VIRMA: variants seen among roughly 807,000 people sequenced by gnomAD.
VIRMA encodes vir like m6A methyltransferase associated.
In VIRMA, 65 loss-of-function variants were observed where a neutral mutation model predicts 182.4. That is an observed-to-expected ratio of 0.36 (90% CI 0.29 to 0.44). The LOEUF is 0.44. VIRMA is among the 20% of genes least tolerant of loss of function. The pLI, the probability that VIRMA is intolerant of heterozygous loss-of-function variation, is 1.00. For missense variants in VIRMA, 1,752 were observed against 2,158.1 expected (o/e 0.81, Z 3.73); for synonymous variants, 709 against 743.1 (o/e 0.95, Z 0.75).
At chr8:94,495,915 A>C in intron 18 of VIRMA, 24 bp from the exon 19 acceptor site, 1 of 1,603,724 alleles carries the variant, frequency 6.2e-7, no homozygotes, top group South Asian at 1.1e-5. Context: ...AAGGCAGAAT[A>C]AGAAGGTGCA....
At position 94,494,907 on chromosome 8, in the gene VIRMA, A is replaced by C. The variant is rs1220618767; in HGVS notation, c.4594T>G (p.Trp1532Gly). 6.2e-7 allele frequency: 1 copy of C among 1,611,920 alleles called. No homozygotes were observed. The highest frequency in any genetic ancestry group is 1.7e-5 in the Admixed American group (1 of 59,940). ...TCTTCAGCCTGAAATGGAGTGAACCACATAGATTTCAACTGATCATCCATG... is the reference window on the plus strand; with the variant it reads ...TCTTCAGCCTGAAATGGAGTGAACCCCATAGATTTCAACTGATCATCCATG... ...DVMDDQLKSMWFTPFQAEEID... is the reference protein window; with the variant it reads ...DVMDDQLKSMGFTPFQAEEID... The change falls in exon 20 of 24, where the codon TGG becomes GGG. Residue 1532 changes from tryptophan to glycine, a missense_variant. Trp to Gly is a radical substitution (Grantham distance 184). This residue lies in a region of VIRMA where 777 missense variants were observed against 920.6 expected (regional missense o/e 0.84). Coordinates refer to ENST00000297591, the MANE Select transcript of VIRMA (RefSeq NM_015496.5).
intron 17 of VIRMA, 52 bp from the exon 18 acceptor site, chr8:94,496,532 T>C (rs1164968671): frequency 3.4e-6 from 5 of 1,451,004 alleles, no homozygotes; most frequent in Non-Finnish European, 3.8e-6. Context: ...TTTACAAAGA[T>C]GCATCCACAC....
In VIRMA at chr8:94,529,312, T is replaced by C. The variant is rs759778016; in HGVS notation, c.638A>G (p.His213Arg). ...AATGGGCTCAAAGTAATCTTCTCTATGAGGAGCATCCTCTTCCTTGTCACC... is the reference window on the plus strand; with the variant it reads ...AATGGGCTCAAAGTAATCTTCTCTACGAGGAGCATCCTCTTCCTTGTCACC... Reference protein sequence around the residue: ...VSGDKEEDAPHREDYFEPISP... With the variant: ...VSGDKEEDAPRREDYFEPISP... The change falls in exon 7 of 24, where the codon CAT becomes CGT. Residue 213 changes from histidine to arginine, a missense_variant. Physicochemically the swap from His to Arg is conservative, Grantham distance 29. Coordinates refer to ENST00000297591, the MANE Select transcript of VIRMA (RefSeq NM_015496.5). 2.9e-5 allele frequency: 46 copies of C among 1,611,572 alleles called. No homozygotes were observed. In the East Asian group the frequency reaches 1.0e-3, roughly 36 times the overall value.
rs373195589 is a variant in VIRMA at position 94,512,135 on chromosome 8, T to C, written c.2752-46A>G. The C allele has an allele frequency of 1.5e-5, 14 of 939,350 alleles. No individual in the cohort carries two copies. The African/African-American group carries it at 2.2e-4, about 15-fold the overall frequency. 58.2% of individuals were successfully genotyped at this position (939,350 alleles called of 1,614,324 possible). ...AGAATATTTCGTTTCTTAGTACCCA[T>C]GAGATCAACAGAAAATTCCAGACAA... On this transcript the variant is annotated intron_variant, in intron 11 of 23. Transcript: ENST00000297591.
At chr8:94,495,556 T>TTAAAAAAAAAAAAAAAAAAA (rs1259277098) in intron 19 of VIRMA, among the ~76,000 whole-genome samples, 175 bp downstream of exon 19, 1 of 109,544 alleles carries the variant, frequency 9.1e-6, no homozygotes, top group Non-Finnish European at 1.9e-5. Context: ...TTTGTATAAA[T>TTAAAAAAAAAAAAAAAAAAA]TAAAAAAAAA....
intron 6 of VIRMA, among the ~76,000 whole-genome samples, chr8:94,530,181 A>AT (rs895117455): frequency 2.0e-5 from 3 of 151,884 alleles, no homozygotes; most frequent in African/African-American, 7.2e-5. Context: ...GAATTAACAA[A>AT]TTTTTTTTTA....
chr8:94,527,421 TTC>T (rs1815013294), intron 7 of VIRMA, 58 bp from the exon 8 acceptor site: 3 of 1,056,018 alleles, frequency 2.8e-6, no homozygotes, highest in Non-Finnish European at 3.9e-6. Context: ...AATACATAAA[TTC>T]TGATTGAACA....
At chr8:94,496,280 C>G (rs1813771402) in intron 18 of VIRMA, 48 bp downstream of exon 18, 2 of 1,540,574 alleles carry the variant, frequency 1.3e-6, no homozygotes, top group Non-Finnish European at 1.8e-6. Context: ...ACTAGTCAAA[C>G]TGAGAGGAAA....
intron 10 of VIRMA, among the ~76,000 whole-genome samples, 177 bp downstream of exon 10, chr8:94,517,611 A>G (rs977052740): frequency 6.6e-6 from 1 of 152,252 alleles, no homozygotes; most frequent in Non-Finnish European, 1.5e-5. Flanking sequence ...TTTATATACT[A>G]AAACATTTTA....
chr8:94,504,674 T>C (rs567342253), intron 16 of VIRMA, among the ~76,000 whole-genome samples: 1 of 152,274 alleles, frequency 6.6e-6, no homozygotes, highest in Non-Finnish European at 1.5e-5. Context: ...CAATGGGCTA[T>C]GCAAGAAATG....
At position 94,496,096 on chromosome 8, in the gene VIRMA, C is replaced by T. The variant is rs533010499; in HGVS notation, c.4384-205G>A. 6.1e-4 allele frequency: 379 copies of T among 618,828 alleles called. 1 individual carries two copies. Among genetic ancestry groups the T allele is most frequent in the African/African-American group, 4.6e-3 (250 of 53,832 alleles). 38.3% of individuals were successfully genotyped at this position (618,828 alleles called of 1,614,324 possible). On this transcript the variant is annotated intron_variant, in intron 18 of 23. Coordinates refer to ENST00000297591, the MANE Select transcript of VIRMA (RefSeq NM_015496.5). ...TTCTAAACAATAGCAGCAGAGGGTA[C>T]CCTGCTTCCAAGGAACAGACAATTC...
chr8:94,544,178 G>A (rs1472894956), intron 1 of VIRMA, among the ~76,000 whole-genome samples: 1 of 151,688 alleles, frequency 6.6e-6, no homozygotes, highest in African/African-American at 2.4e-5. Context: ...CTGATGTTTT[G>A]CTTAGACTAA....
chr8:94,513,667 C>A (rs1187343179), intron 11 of VIRMA, among the ~76,000 whole-genome samples: 1 of 152,144 alleles, frequency 6.6e-6, no homozygotes. Flanking sequence ...ATTTCTAGAA[C>A]TAAATTTCTT....
intron 1 of VIRMA, among the ~76,000 whole-genome samples, chr8:94,550,767 G>A (rs1477798852): frequency 1.3e-5 from 2 of 152,060 alleles, no homozygotes; most frequent in Non-Finnish European, 2.9e-5. Context: ...CGCACAGGCT[G>A]GAGTGCAGTG....
chr8:94,518,383 G>C (rs1465798183), intron 9 of VIRMA, among the ~76,000 whole-genome samples: 2 of 152,154 alleles, frequency 1.3e-5, no homozygotes, highest in Non-Finnish European at 2.9e-5. Context: ...AGTCATTGCT[G>C]TTTGCTTTTC....
Position 94,526,997 on chromosome 8 carries a change from C to T in VIRMA, c.1247G>A (p.Ser416Asn). ...TTTTGTGTTTTTCAATTGCAAATAG[C>T]TTAACCCTTTTATTATTAAACTTGG... ...EIPSLIIKGL[S>N]YLQLKNTKQD... The change falls in exon 8 of 24, where the codon AGC (serine) becomes AAC (asparagine). Residue 416 changes from serine (S) to asparagine (N), a missense_variant. Physicochemically the swap from Ser to Asn is conservative, Grantham distance 46. Coordinates refer to ENST00000297591, the MANE Select transcript of VIRMA (RefSeq NM_015496.5). 1.2e-6 allele frequency: 2 copies of T among 1,614,198 alleles called. No homozygotes were observed. The highest frequency in any genetic ancestry group is 2.2e-5 in the East Asian group (1 of 44,892).
At chr8:94,544,047 T>A in intron 1 of VIRMA, 105 bp from the exon 2 acceptor site, 2 of 650,642 alleles carry the variant, frequency 3.1e-6, no homozygotes, top group Non-Finnish European at 5.6e-6. Flanking sequence ...AAACTTAACA[T>A]TCCATATCAT....
At chr8:94,515,374 T>G (rs926757792) in intron 10 of VIRMA, among the ~76,000 whole-genome samples, 1 of 151,830 alleles carries the variant, frequency 6.6e-6, no homozygotes, top group Admixed American at 6.6e-5. Flanking sequence ...GGATTACAAC[T>G]TGTATCTAAT....
chr8:94,496,227 T>G, intron 18 of VIRMA, 101 bp downstream of exon 18: 1 of 982,820 alleles, frequency 1.0e-6, no homozygotes, highest in Non-Finnish European at 1.5e-6. Context: ...AACACCCAGC[T>G]AAAGATTCAC....
Sources: gnomAD v4.1 joint callset for allele counts (sites outside exome capture counted in the v4.1 genomes callset) on GRCh38, gnomAD v4.1.1 for gene constraint, gnomAD v4.1.1 regional missense constraint, MANE v1.5 for transcripts, NCBI Gene and HGNC (gene_info 2026-07-23, HGNC 2026-07-21) for gene names.